Variants in LRRTM4 observed in about 807,000 individuals in gnomAD.
LRRTM4 encodes the protein leucine rich repeat transmembrane neuronal 4, also known as leucine-rich repeat transmembrane neuronal protein 4.
LRRTM4 carries 25 observed loss-of-function variants against 47.6 expected under a neutral mutation model. The ratio of observed to expected loss-of-function variants is 0.53; its 90% confidence interval spans 0.38 to 0.73. The LOEUF (loss-of-function observed/expected upper bound fraction) is 0.73, where lower values mean the gene tolerates loss of function less well. LRRTM4 is among the 30% of genes least tolerant of loss of function. LRRTM4 has a pLI of 0.00. For missense variants in LRRTM4, 638 were observed against 713.4 expected (o/e 0.89, Z 1.20); for synonymous variants, 311 against 269.5 (o/e 1.15, Z -1.51).
chr2:76,911,268 C>T (rs1334805445), intron 3 of LRRTM4, among the ~76,000 whole-genome samples: 1 of 152,258 alleles, frequency 6.6e-6, no homozygotes, highest in Non-Finnish European at 1.5e-5. Flanking sequence ...AAGATGCTAA[C>T]CTCATCCCAT....
rs1238050758 is a variant in LRRTM4, at chr2:77,384,203, T to C, written c.1551+134115A>G. On this transcript the variant is annotated intron_variant, in intron 3 of 3. Coordinates refer to ENST00000409884, the MANE Select transcript of LRRTM4 (RefSeq NM_001134745.3). ...ATTGTGATTTCCCTCAAAAAACTTG[T>C]ATTATATTAGGTAGATAAAGTTTTT... Among the ~76,000 whole-genome samples, 3 of 152,014 alleles carry C rather than the reference T, an allele frequency of 2.0e-5. No individual in the cohort carries two copies. The East Asian group carries it at 5.8e-4, about 29-fold the overall frequency.
Position 77,228,622 on chromosome 2 carries a change from G to C in LRRTM4, c.1551+289696C>G, listed in dbSNP as rs544995006. 3.5e-4 allele frequency among the ~76,000 whole-genome samples: 54 copies of C among 152,280 alleles called. No homozygotes were observed. The South Asian group carries it at 0.01, about 29-fold the overall frequency. ...CCCAAGGCTTGGATTCCAGCCCACA[G>C]ATCACTCCAGGGAAAAAGCTGGTGC... On this transcript the variant is annotated intron_variant, in intron 3 of 3. Coordinates refer to ENST00000409884, the MANE Select transcript of LRRTM4 (RefSeq NM_001134745.3).
At chr2:77,074,755 T>G (rs547434417) in intron 3 of LRRTM4, among the ~76,000 whole-genome samples, 1 of 152,324 alleles carries the variant, frequency 6.6e-6, no homozygotes, top group African/African-American at 2.4e-5. Flanking sequence ...CTTGACTTTC[T>G]AAATCAAGAA....
chr2:77,359,443 TTG>T (rs1281554197), intron 3 of LRRTM4, among the ~76,000 whole-genome samples: 1 of 152,208 alleles, frequency 6.6e-6, no homozygotes. Flanking sequence ...ATATTAACTA[TTG>T]TAGTTAAAAA....
chr2:76,804,204 A>C lies in LRRTM4; in HGVS notation c.1552-55288T>G, dbSNP rs944727679. Among the ~76,000 whole-genome samples the C allele has an allele frequency of 2.5e-4, 38 of 152,194 alleles. 1 individual carries two copies. The highest frequency in any genetic ancestry group is 6.5e-4 in the Admixed American group (10 of 15,268). On this transcript the variant is annotated intron_variant, in intron 3 of 3. Transcript: ENST00000409884. ...AGATGGTCTTGGGCACCCCTGACAC[A>C]GAGTGATAATACCTTTGTTGAAGAT...
intron 3 of LRRTM4, among the ~76,000 whole-genome samples, chr2:77,311,991 G>A (rs1040762092): frequency 6.6e-6 from 1 of 152,212 alleles, no homozygotes; most frequent in African/African-American, 2.4e-5. Flanking sequence ...AGCAGACACA[G>A]TATATTTTCC....
intron 3 of LRRTM4, among the ~76,000 whole-genome samples, chr2:76,786,820 G>A (rs1030353123): frequency 2.6e-5 from 4 of 151,988 alleles, no homozygotes; most frequent in Non-Finnish European, 5.9e-5. Flanking sequence ...GAATACAGAA[G>A]GAACTGGAAT....
intron 3 of LRRTM4, among the ~76,000 whole-genome samples, chr2:77,208,054 T>G (rs1674190795): frequency 6.6e-6 from 1 of 151,858 alleles, no homozygotes; most frequent in Non-Finnish European, 1.5e-5. Flanking sequence ...AATTTTCGTA[T>G]TTTTAGTAGA....
chr2:76,926,014 T>G (rs1674578646), intron 3 of LRRTM4, among the ~76,000 whole-genome samples: 1 of 152,170 alleles, frequency 6.6e-6, no homozygotes, highest in Admixed American at 6.5e-5. Context: ...GTTACAAGCC[T>G]TTTCTTTCCA....
At chr2:76,802,103 T>C (rs889894260) in intron 3 of LRRTM4, among the ~76,000 whole-genome samples, 2 of 151,860 alleles carry the variant, frequency 1.3e-5, no homozygotes, top group Admixed American at 6.6e-5. Context: ...TTCAATACAG[T>C]ATTGAAAGTC....
chr2:77,465,210 A>G (rs1676939032), intron 3 of LRRTM4, among the ~76,000 whole-genome samples: 1 of 152,176 alleles, frequency 6.6e-6, no homozygotes, highest in Non-Finnish European at 1.5e-5. Context: ...TATAGTATCT[A>G]TCTATTAAAA....
intron 3 of LRRTM4, among the ~76,000 whole-genome samples, chr2:76,958,024 C>T (rs1263393540): frequency 6.6e-6 from 1 of 151,326 alleles, no homozygotes; most frequent in Non-Finnish European, 1.5e-5. Flanking sequence ...AGCTGTAGGC[C>T]TTAAGTATTT....
Position 77,291,999 on chromosome 2 carries a change from G to C in LRRTM4, c.1551+226319C>G, listed in dbSNP as rs559195946. 2.9e-3 allele frequency among the ~76,000 whole-genome samples: 433 copies of C among 151,440 alleles called. 2 individuals are homozygous for C. Among genetic ancestry groups the C allele is most frequent in the African/African-American group, 1.0e-2 (412 of 41,312 alleles). ...ACAATGAACTCAAACAAATTTACAAGAAAAAAACAAACAACCCCATCAAAA... is the reference window on the plus strand; with the variant it reads ...ACAATGAACTCAAACAAATTTACAACAAAAAAACAAACAACCCCATCAAAA... On this transcript the variant is annotated intron_variant, in intron 3 of 3. Transcript: ENST00000409884.
chr2:77,456,423 C>A (rs1350860196), intron 3 of LRRTM4, among the ~76,000 whole-genome samples: 1 of 152,164 alleles, frequency 6.6e-6, no homozygotes, highest in African/African-American at 2.4e-5. Flanking sequence ...AGTAGGCTAA[C>A]TGTCCAGGCT....
At chr2:77,411,252 C>T (rs552776415) in intron 3 of LRRTM4, among the ~76,000 whole-genome samples, 1 of 152,188 alleles carries the variant, frequency 6.6e-6, no homozygotes, top group East Asian at 1.9e-4. Flanking sequence ...TGTCCCTAAG[C>T]TCTGCTAAAC....
intron 3 of LRRTM4, among the ~76,000 whole-genome samples, chr2:76,919,182 G>T (rs1174022561): frequency 6.6e-6 from 1 of 152,108 alleles, no homozygotes; most frequent in Non-Finnish European, 1.5e-5. Context: ...TTTTTGGTGG[G>T]GGGAGGTTGG....
At chr2:77,008,282 G>A (rs1677734663) in intron 3 of LRRTM4, among the ~76,000 whole-genome samples, 1 of 152,128 alleles carries the variant, frequency 6.6e-6, no homozygotes, top group African/African-American at 2.4e-5. Context: ...CATCTTAAGT[G>A]AAAGCTGATA....
chr2:77,493,662 G>A (rs1398236149), intron 3 of LRRTM4, among the ~76,000 whole-genome samples: 1 of 152,076 alleles, frequency 6.6e-6, no homozygotes, highest in African/African-American at 2.4e-5. Flanking sequence ...AAGTTATAAA[G>A]AAGTGAGTTT....
intron 3 of LRRTM4, among the ~76,000 whole-genome samples, chr2:77,076,868 A>G (rs1680353300): frequency 6.6e-6 from 1 of 152,198 alleles, no homozygotes; most frequent in Admixed American, 6.5e-5. Context: ...GCTATGCCAG[A>G]TTATAAGTAC....
Sources: gnomAD v4.1 joint callset for allele counts (sites outside exome capture counted in the v4.1 genomes callset) on GRCh38, gnomAD v4.1.1 for gene constraint, MANE v1.5 for transcripts, NCBI Gene and HGNC (gene_info 2026-07-23, HGNC 2026-07-21) for gene names.